The following SOX6 variants were observed in gnomAD, a reference collection of about 807,000 sequenced individuals.
The protein encoded by SOX6 is SRY-box transcription factor 6, also known as transcription factor SOX-6.
In SOX6, 11 loss-of-function variants were observed where a neutral mutation model predicts 97.8. The ratio of observed to expected loss-of-function variants is 0.11; its 90% confidence interval spans 0.07 to 0.19. The LOEUF (loss-of-function observed/expected upper bound fraction) is 0.19. SOX6 is among the 10% of genes least tolerant of loss of function. SOX6 has a pLI of 1.00. For missense variants in SOX6, 810 were observed against 1,039.5 expected (o/e 0.78, Z 3.04); for synonymous variants, 360 against 371.4 (o/e 0.97, Z 0.35).
intron 3 of SOX6, among the ~76,000 whole-genome samples, chr11:16,653,778 AAAATGAAAT>A (rs1847686197): frequency 1.3e-5 from 2 of 152,198 alleles, no homozygotes; most frequent in Admixed American, 6.5e-5. Context: ...AATAAAAAAT[AAAATGAAAT>A]GCAACTTCTT....
chr11:16,382,034 A>G (rs150487882), intron 1 of SOX6, among the ~76,000 whole-genome samples: 2 of 152,162 alleles, frequency 1.3e-5, no homozygotes, highest in African/African-American at 4.8e-5. Context: ...CACCATTAAA[A>G]TAGGCCATTT....
intron 1 of SOX6, among the ~76,000 whole-genome samples, chr11:16,445,334 T>C (rs1306572067): frequency 4.6e-5 from 7 of 152,188 alleles, no homozygotes; most frequent in Admixed American, 4.6e-4. Context: ...TCATCTCCGG[T>C]CTCATCTGAA....
intron 6 of SOX6, among the ~76,000 whole-genome samples, chr11:16,137,280 G>A (rs1849992480): frequency 6.6e-6 from 1 of 151,964 alleles, no homozygotes; most frequent in African/African-American, 2.4e-5. Context: ...CAAAAAATTA[G>A]CTGGACATGG....
In SOX6 at chr11:16,049,756, T is replaced by C. The variant is rs1206619305; in HGVS notation, c.1434A>G (p.Leu478=). Residue 478 remains leucine, a splice_region_variant and synonymous_variant, in exon 11 of 16, where the codon TTA becomes TTG. Coordinates refer to ENST00000683767, the MANE Select transcript of SOX6 (RefSeq NM_001367873.1). ...IGGSLGRGSS[L]DILSSLNSPA... ...CCTGGTGTTGACTTTTCCATTTACC[T>C]AAAGAGGATCCTCTTCCCAGGCTTC... 2 of 1,613,502 alleles carry C rather than the reference T, an allele frequency of 1.2e-6. No homozygotes were observed. Among genetic ancestry groups the C allele is most frequent in the South Asian group, 2.2e-5 (2 of 91,044 alleles).
At chr11:16,082,694 A>C (rs1368988135) in intron 9 of SOX6, among the ~76,000 whole-genome samples, 2 of 152,186 alleles carry the variant, frequency 1.3e-5, no homozygotes, top group Non-Finnish European at 2.9e-5. Context: ...CTTAACTATT[A>C]AATCTAGTGT....
At chr11:16,009,630 T>C (rs1854652008) in intron 13 of SOX6, among the ~76,000 whole-genome samples, 2 of 152,054 alleles carry the variant, frequency 1.3e-5, no homozygotes, top group South Asian at 2.1e-4. Context: ...TCAGAGGCAT[T>C]TGAACAGATG....
intron 4 of SOX6, among the ~76,000 whole-genome samples, chr11:16,485,257 G>A (rs1303015567): frequency 6.6e-6 from 1 of 152,074 alleles, no homozygotes; most frequent in African/African-American, 2.4e-5. Context: ...AACAAAGGTG[G>A]TCAGCATAAA....
chr11:15,979,885 T>G (rs759737838), intron 15 of SOX6, among the ~76,000 whole-genome samples: 13 of 152,146 alleles, frequency 8.5e-5, no homozygotes, highest in Non-Finnish European at 1.8e-4. Context: ...AAGGCACCTC[T>G]CACTATTATT....
At chr11:16,379,633 T>C (rs985329185) in intron 1 of SOX6, among the ~76,000 whole-genome samples, 2 of 152,110 alleles carry the variant, frequency 1.3e-5, no homozygotes, top group African/African-American at 4.8e-5. Flanking sequence ...AAATGAGTAC[T>C]CTTATACACT....
At chr11:16,215,746 A>AT (rs1852355408) in intron 4 of SOX6, among the ~76,000 whole-genome samples, 1 of 152,208 alleles carries the variant, frequency 6.6e-6, no homozygotes, top group South Asian at 2.1e-4. Flanking sequence ...GAAAAGAAAA[A>AT]TTATAGGCTT....
chr11:16,548,063 T>C (rs1303071741), intron 4 of SOX6, among the ~76,000 whole-genome samples: 2 of 152,000 alleles, frequency 1.3e-5, no homozygotes, highest in African/African-American at 4.8e-5. Flanking sequence ...GGAACAAAAA[T>C]GAGAGTGACA....
intron 3 of SOX6, among the ~76,000 whole-genome samples, chr11:16,259,884 G>T (rs898844423): frequency 6.6e-6 from 1 of 151,614 alleles, no homozygotes; most frequent in Non-Finnish European, 1.5e-5. Context: ...AAAATTTAGT[G>T]AAAGATACAC....
At chr11:16,409,963 G>C (rs752574251) in intron 1 of SOX6, among the ~76,000 whole-genome samples, 12 of 152,224 alleles carry the variant, frequency 7.9e-5, no homozygotes, top group Non-Finnish European at 1.5e-4. Context: ...TAAAACAACT[G>C]AACTCAATAG....
At chr11:16,251,334 C>T (rs1224963509) in intron 3 of SOX6, among the ~76,000 whole-genome samples, 1 of 151,922 alleles carries the variant, frequency 6.6e-6, no homozygotes, top group East Asian at 1.9e-4. Flanking sequence ...AAAGATAGTT[C>T]TTTGAAAAGA....
intron 3 of SOX6, among the ~76,000 whole-genome samples, chr11:16,241,562 C>T (rs183488845): frequency 4.1e-4 from 63 of 152,012 alleles, no homozygotes; most frequent in African/African-American, 1.5e-3. Flanking sequence ...CCAGTGTGTC[C>T]TATATTCTTT....
intron 3 of SOX6, among the ~76,000 whole-genome samples, chr11:16,703,069 TTAC>T (rs1236782150): frequency 6.6e-6 from 1 of 151,778 alleles, no homozygotes; most frequent in Non-Finnish European, 1.5e-5. Flanking sequence ...AAATTTGAAC[TTAC>T]TACAGCATTT....
chr11:16,192,734 T>C (rs774719533), intron 4 of SOX6, among the ~76,000 whole-genome samples: 19 of 152,306 alleles, frequency 1.2e-4, no homozygotes, highest in Non-Finnish European at 2.8e-4. Context: ...CTTATTGATA[T>C]AGCATGAAAA....
chr11:16,701,773 CG>C (rs991618072), intron 3 of SOX6, among the ~76,000 whole-genome samples: 1 of 3,192 alleles, frequency 3.1e-4, no homozygotes, highest in Admixed American at 3.9e-3. Flanking sequence ...CGGAGGGGTT[CG>C]GGGGGGTGGG....
intron 4 of SOX6, among the ~76,000 whole-genome samples, chr11:16,509,384 A>G (rs1004212432): frequency 3.3e-5 from 5 of 152,050 alleles, no homozygotes; most frequent in Admixed American, 3.3e-4. Context: ...TATGCACAGT[A>G]TATTAATTGC....
Sources: allele counts gnomAD v4.1 joint callset (sites outside exome capture counted in the v4.1 genomes callset), GRCh38; gene constraint gnomAD v4.1.1; transcripts MANE v1.5; gene names NCBI Gene and HGNC (gene_info 2026-07-23, HGNC 2026-07-21).